Variants in OTOP3 observed in about 807,000 individuals in gnomAD.
OTOP3 encodes the protein otopetrin 3, also known as proton channel OTOP3.
A neutral mutation model predicts 50.8 loss-of-function variants in OTOP3; 41 were observed. The observed-to-expected ratio is 0.81, with a 90% CI of 0.63 to 1.05. The LOEUF (loss-of-function observed/expected upper bound fraction) is 1.05, where lower values mean the gene tolerates loss of function less well. Ranked by LOEUF, OTOP3 falls within the 50% of genes least tolerant of loss-of-function variation. The pLI is 0.00. For synonymous variants in OTOP3, 320 were observed against 324.4 expected (o/e 0.99, Z 0.14); for missense variants, 788 against 760.8 (o/e 1.04, Z -0.42).
chr17:74,938,222 G>A (rs1283612518), intron 1 of OTOP3, among the ~76,000 whole-genome samples: 2 of 152,094 alleles, frequency 1.3e-5, no homozygotes, highest in East Asian at 3.9e-4. Flanking sequence ...GGTGGAGAAT[G>A]GGAGAATATG....
At position 74,949,492 on chromosome 17, in the gene OTOP3, T is replaced by C. The variant is rs1384793051; in HGVS notation, c.*76T>C. 14 of 1,530,892 alleles carry C rather than the reference T, an allele frequency of 9.1e-6. No individual in the cohort carries two copies. The highest frequency in any genetic ancestry group is 1.2e-5 in the Non-Finnish European group (14 of 1,129,826). 94.8% of individuals were successfully genotyped at this position (1,530,892 alleles called of 1,614,324 possible). A position where few individuals can be genotyped will look rare whatever the true frequency, so the allele number is the denominator to read the frequency against. Reference sequence around the variant, plus strand: ...AGCCCAGAGTCTCTGAGCAGATGCCTCATTCTGAGGTGCCGAGACCAGCCT... The same window carrying C: ...AGCCCAGAGTCTCTGAGCAGATGCCCCATTCTGAGGTGCCGAGACCAGCCT... On this transcript the variant is annotated 3_prime_UTR_variant, in exon 7 of 7. Transcript: ENST00000328801.
chr17:74,945,658 A>C (rs1046136263), intron 5 of OTOP3, among the ~76,000 whole-genome samples: 1 of 151,974 alleles, frequency 6.6e-6, no homozygotes, highest in African/African-American at 2.4e-5. Context: ...TGATGACCTG[A>C]CCCTGAGTGC....
At chr17:74,941,847 G>T (rs749042981) in intron 2 of OTOP3, 38 bp downstream of exon 2, 1 of 1,592,200 alleles carries the variant, frequency 6.3e-7, no homozygotes, top group Non-Finnish European at 8.6e-7. Context: ...GCAGGGGTGG[G>T]GAGGGAGAGC....
chr17:74,942,855 G>C (rs1390874502), intron 3 of OTOP3, among the ~76,000 whole-genome samples: 1 of 151,996 alleles, frequency 6.6e-6, no homozygotes, highest in Non-Finnish European at 1.5e-5. Flanking sequence ...TGAGGCAGGA[G>C]AATGGTGTGA....
chr17:74,945,942 C>T (rs1052282104), intron 5 of OTOP3, among the ~76,000 whole-genome samples: 8 of 151,604 alleles, frequency 5.3e-5, no homozygotes, highest in Admixed American at 2.0e-4. Flanking sequence ...GTGTGCCATC[C>T]GGCTAATGTT....
At chr17:74,940,607 C>T (rs1026058831) in intron 1 of OTOP3, among the ~76,000 whole-genome samples, 5 of 152,124 alleles carry the variant, frequency 3.3e-5, no homozygotes, top group Non-Finnish European at 7.4e-5. Context: ...CTCATAGGAG[C>T]ACAAGCCCTA....
chr17:74,945,471 C>T (rs2039216974), intron 5 of OTOP3, among the ~76,000 whole-genome samples: 1 of 152,184 alleles, frequency 6.6e-6, no homozygotes, highest in East Asian at 1.9e-4. Context: ...GACCTTGAGA[C>T]TTGTCAGGTT....
At position 74,946,731 on chromosome 17, in the gene OTOP3, G is replaced by A; in HGVS notation, c.822G>A (p.Met274Ile). ...AAGCTTTCCGGAGAGGCTTCCTGAT[G>A]CTCTACCCCTTCAGCACTGAGTACT... is the stretch of plus-strand genomic sequence containing the variant. ...ACEAFRRGFL[M>I]LYPFSTEYCL... Residue 274 changes from methionine (M) to isoleucine (I), a missense_variant, in exon 6 of 7, where the codon ATG (methionine) becomes ATA (isoleucine). Coordinates refer to ENST00000328801, the MANE Select transcript of OTOP3 (RefSeq NM_001272005.2). 6.2e-7 allele frequency: 1 copy of A among 1,613,248 alleles called. No homozygotes were observed. Among genetic ancestry groups the A allele is most frequent in the Non-Finnish European group, 8.5e-7 (1 of 1,180,008 alleles).
chr17:74,949,223 A>C (rs1355130850), intron 6 of OTOP3, 23 bp from the exon 7 acceptor site: 34 of 1,610,618 alleles, frequency 2.1e-5, no homozygotes, highest in Non-Finnish European at 2.6e-5. Flanking sequence ...CCCTTCCCTA[A>C]CTCAGCACAT....
upstream of OTOP3, chr17:74,935,847 A>T (rs886694458): frequency 6.5e-6 from 10 of 1,530,360 alleles, no homozygotes; most frequent in Middle Eastern, 1.7e-4. Flanking sequence ...CCGCTGGGGG[A>T]GGGCGTCGCG....
In OTOP3 at chr17:74,946,907, G is replaced by A; in HGVS notation, c.998G>A (p.Gly333Asp). 6.2e-7 allele frequency: 1 copy of A among 1,612,006 alleles called. No homozygotes were observed. Among genetic ancestry groups the A allele is most frequent in the Non-Finnish European group, 8.5e-7 (1 of 1,179,946 alleles). The change falls in exon 6 of 7, where the codon GGT (glycine) becomes GAT (aspartate). Residue 333 changes from glycine to aspartate, a missense_variant. Coordinates refer to ENST00000328801, the MANE Select transcript of OTOP3 (RefSeq NM_001272005.2). ...CTGGGCCTGCTGGTGCTGCTGGCAG[G>A]TGTGTGCGTCTTTGTGCTCTTCCAA... is the stretch of plus-strand genomic sequence containing the variant. ...PLLGLLVLLA[G>D]VCVFVLFQIE... is the part of the protein sequence containing the mutation.
Position 74,941,976 on chromosome 17 carries a change from G to C in OTOP3, c.512G>C (p.Arg171Pro), listed in dbSNP as rs771130336. The C allele has an allele frequency of 6.2e-7, 1 of 1,613,482 alleles. No individual in the cohort carries two copies. The highest frequency in any genetic ancestry group is 1.3e-5 in the African/African-American group (1 of 74,882). The change falls in exon 3 of 7, where the codon CGC becomes CCC. Residue 171 changes from arginine (R) to proline (P), a missense_variant. By Grantham distance (103) the Arg-to-Pro change is moderately radical. Transcript: ENST00000328801. ...GTGGGCTACGATGTGAGCCACATCCGCTGCAAGTCACAGCTGGACCTTGTC... is the reference window on the plus strand; with the variant it reads ...GTGGGCTACGATGTGAGCCACATCCCCTGCAAGTCACAGCTGGACCTTGTC... ...FRVGYDVSHI[R>P]CKSQLDLVFS...
chr17:74,941,574 G>C lies in OTOP3; in HGVS notation c.201G>C (p.Lys67Asn). 6.2e-7 allele frequency: 1 copy of C among 1,611,850 alleles called. No homozygotes were observed. The highest frequency in any genetic ancestry group is 8.5e-7 in the Non-Finnish European group (1 of 1,178,618). Residue 67 changes from lysine to asparagine, a missense_variant, in exon 2 of 7, where the codon AAG becomes AAC. Physicochemically the swap from Lys to Asn is moderately conservative, Grantham distance 94. Transcript: ENST00000328801. ...LLLRRDRQAQKAGQLFSGLLA... is the reference protein window; with the variant it reads ...LLLRRDRQAQNAGQLFSGLLA... ...TGCGGCGGGACCGGCAGGCCCAGAA[G>C]GCTGGACAACTCTTCTCGGGGCTCC...
chr17:74,949,693 G>A lies in OTOP3; in HGVS notation c.*277G>A, dbSNP rs2039265138. The A allele has an allele frequency of 2.4e-6, 1 of 421,824 alleles. No homozygotes were observed. Among genetic ancestry groups the A allele is most frequent in the African/African-American group, 2.0e-5 (1 of 49,454 alleles). 26.1% of individuals were successfully genotyped at this position (421,824 alleles called of 1,614,324 possible). On this transcript the variant is annotated 3_prime_UTR_variant, in exon 7 of 7. Transcript: ENST00000328801. ...ATCCGCAAGCCAAGGGTGCACCCCA[G>A]GAGGCTGGCAGGGGCCCCCTCACGG...
intron 1 of OTOP3, among the ~76,000 whole-genome samples, chr17:74,938,385 C>T (rs1035783758): frequency 6.6e-6 from 1 of 151,924 alleles, no homozygotes; most frequent in African/African-American, 2.4e-5. Flanking sequence ...AAGCAGAGGA[C>T]GATGGGTGGT....
At chr17:74,936,271 G>A (rs1341419738) in intron 1 of OTOP3, among the ~76,000 whole-genome samples, 1 of 152,192 alleles carries the variant, frequency 6.6e-6, no homozygotes, top group African/African-American at 2.4e-5. Context: ...CGCCCGGTCT[G>A]GGGCACGCAG....
At chr17:74,940,111 A>ACC in intron 1 of OTOP3, among the ~76,000 whole-genome samples, 1 of 142,268 alleles carries the variant, frequency 7.0e-6, no homozygotes, top group African/African-American at 2.7e-5. Context: ...ACACACACAC[A>ACC]CACACACACA....
intron 4 of OTOP3, 109 bp downstream of exon 4, chr17:74,943,453 GC>G: frequency 2.1e-6 from 3 of 1,396,314 alleles, no homozygotes; most frequent in Non-Finnish European, 3.0e-6. Flanking sequence ...GTCCTAGGTG[GC>G]CCCAGGGCTG....
Position 74,947,147 on chromosome 17 carries a change from A to G in OTOP3, c.1238A>G (p.Tyr413Cys). 1.2e-6 allele frequency: 2 copies of G among 1,614,020 alleles called. No individual in the cohort carries two copies. The highest frequency in any genetic ancestry group is 1.7e-6 in the Non-Finnish European group (2 of 1,180,020). ...GCACTGGGCCAGATGGGCATCGCCT[A>G]TTTCTCCATCGTGGCCATTGTGGCC... ...GAALGQMGIA[Y>C]FSIVAIVAKR... is the part of the protein sequence containing the mutation. The change falls in exon 6 of 7, where the codon TAT becomes TGT. Residue 413 changes from tyrosine (Y) to cysteine (C), a missense_variant. Coordinates refer to ENST00000328801, the MANE Select transcript of OTOP3 (RefSeq NM_001272005.2).
Sources: allele counts gnomAD v4.1 joint callset (sites outside exome capture counted in the v4.1 genomes callset), GRCh38; gene constraint gnomAD v4.1.1; transcripts MANE v1.5; gene names NCBI Gene and HGNC (gene_info 2026-07-23, HGNC 2026-07-21).